Variants in PDE6A observed in about 807,000 individuals in gnomAD.
The protein encoded by PDE6A is phosphodiesterase 6A.
In PDE6A, 84 loss-of-function variants were observed where a neutral mutation model predicts 106.3. That is an observed-to-expected ratio of 0.79 (90% confidence interval 0.66 to 0.95). The LOEUF (loss-of-function observed/expected upper bound fraction) is 0.95. Among genes scored for constraint, PDE6A ranks in the 40% least tolerant of loss-of-function variants. The pLI, the probability that PDE6A is intolerant of heterozygous loss-of-function variation, is 0.00. For missense variants in PDE6A, 1,052 were observed against 1,084.9 expected, an observed-to-expected ratio of 0.97 and a Z score of 0.43; for synonymous variants, 394 against 386.6, an observed-to-expected ratio of 1.02 and a Z score of -0.23.
At chr5:149,908,290 C>T (rs1753266813) in intron 6 of PDE6A, among the ~76,000 whole-genome samples, 1 of 152,222 alleles carries the variant, frequency 6.6e-6, no homozygotes, top group Non-Finnish European at 1.5e-5. Flanking sequence ...CTGCTGTCAA[C>T]ATTGGTGCAT....
In PDE6A at chr5:149,883,435, A is replaced by T; in HGVS notation, c.2129T>A (p.Ile710Asn). The T allele has an allele frequency of 6.2e-7, 1 of 1,610,086 alleles. No individual in the cohort carries two copies. Among genetic ancestry groups the T allele is most frequent in the East Asian group, 2.2e-5 (1 of 44,846 alleles). ...TAACCCCATCCCAACTCACATAACGATTTCCTTCCGTGTCTGCTCCAGCAT... is the reference window on the plus strand; with the variant it reads ...TAACCCCATCCCAACTCACATAACGTTTTCCTTCCGTGTCTGCTCCAGCAT... The part of the protein sequence containing the change: ...YMMLEQTRKE[I>N]VMAMMMTACD... The change falls in exon 17 of 22, where the codon ATC becomes AAC. Residue 710 changes from isoleucine to asparagine, a missense_variant. By Grantham distance (149) the Ile-to-Asn change is moderately radical. This residue lies in a region of PDE6A where 913 missense variants were observed against 915.2 expected (regional missense o/e 1.00). Transcript: ENST00000255266.
intron 12 of PDE6A, among the ~76,000 whole-genome samples, chr5:149,895,507 ATGT>A (rs3841534): frequency 0.028 from 4,268 of 151,506 alleles, 121 homozygotes; most frequent in Admixed American, 0.064. Flanking sequence ...TACTAAGAAG[ATGT>A]TGTTGTTGTT....
chr5:149,944,491 G>A lies in PDE6A; in HGVS notation c.183C>T (p.Ile61=). ...SPSSMEESEI[I]FDLLRDFQEN... is the part of the protein sequence containing the mutation. Reference sequence around the variant, plus strand: ...CCTGAAAGTCCCGCAGGAGATCAAAGATGATTTCGCTCTCCTCCATGCTGC... The same window carrying A: ...CCTGAAAGTCCCGCAGGAGATCAAAAATGATTTCGCTCTCCTCCATGCTGC... Residue 61 remains isoleucine, a synonymous_variant, in exon 1 of 22, where the codon ATC becomes ATT. Coordinates refer to ENST00000255266, the MANE Select transcript of PDE6A (RefSeq NM_000440.3). 2 of 1,614,136 alleles carry A rather than the reference G, an allele frequency of 1.2e-6. No homozygotes were observed. Among genetic ancestry groups the A allele is most frequent in the Non-Finnish European group, 1.7e-6 (2 of 1,180,020 alleles).
chr5:149,873,880 G>C (rs993570562), intron 17 of PDE6A, among the ~76,000 whole-genome samples: 5 of 151,818 alleles, frequency 3.3e-5, no homozygotes, highest in African/African-American at 1.2e-4. Context: ...TAAAATTACT[G>C]AAGTAGTCCT....
chr5:149,862,855 C>G (rs2113493698), intron 21 of PDE6A, among the ~76,000 whole-genome samples: 1 of 152,358 alleles, frequency 6.6e-6, no homozygotes, highest in Non-Finnish European at 1.5e-5. Context: ...GCCCTAAAAT[C>G]AGAGTCTGTG....
At chr5:149,932,089 G>A in intron 3 of PDE6A, 12 of 1,352,010 alleles carry the variant, frequency 8.9e-6, no homozygotes, top group East Asian at 2.3e-5. Context: ...CTTTTAGCAC[G>A]TTCTTTGTTC....
chr5:149,895,078 T>C, intron 13 of PDE6A, 105 bp downstream of exon 13: 1 of 769,858 alleles, frequency 1.3e-6, no homozygotes, highest in Non-Finnish European at 2.4e-6. Flanking sequence ...TAAAAGACAA[T>C]AAATAAAGAA....
At chr5:149,909,880 A>G (rs1179677747) in intron 6 of PDE6A, among the ~76,000 whole-genome samples, 1 of 152,188 alleles carries the variant, frequency 6.6e-6, no homozygotes, top group East Asian at 1.9e-4. Flanking sequence ...AGCATATGAG[A>G]ATTTCCTAAT....
chr5:149,895,113 T>C (rs1752687837), intron 13 of PDE6A, 70 bp downstream of exon 13: 2 of 885,872 alleles, frequency 2.3e-6, no homozygotes, highest in Non-Finnish European at 3.9e-6. Context: ...GTTGCTACCA[T>C]GTAGAGTCTG....
chr5:149,934,679 A>G lies in PDE6A; in HGVS notation c.514T>C (p.Tyr172His). The part of the protein sequence containing the change: ...FCDFVDILTE[Y>H]KTKNILASPI... Reference sequence around the variant, plus strand: ...GAAGCCAAGATGTTCTTGGTCTTGTACTCTGTGAGGATGTCCACAAAGTCA... The same window carrying G: ...GAAGCCAAGATGTTCTTGGTCTTGTGCTCTGTGAGGATGTCCACAAAGTCA... Residue 172 changes from tyrosine (Y) to histidine (H), a missense_variant, in exon 2 of 22, where the codon TAC becomes CAC. Physicochemically the swap from Tyr to His is moderately conservative, Grantham distance 83 (BLOSUM62 2). This residue lies in a region of PDE6A where 913 missense variants were observed against 915.2 expected (regional missense o/e 1.00). Coordinates refer to ENST00000255266, the MANE Select transcript of PDE6A (RefSeq NM_000440.3). 6.2e-7 allele frequency: 1 copy of G among 1,614,050 alleles called. No individual in the cohort carries two copies. The highest frequency in any genetic ancestry group is 1.3e-5 in the African/African-American group (1 of 75,034).
intron 7 of PDE6A, among the ~76,000 whole-genome samples, chr5:149,906,107 C>T (rs979061526): frequency 2.6e-5 from 4 of 152,002 alleles, no homozygotes; most frequent in African/African-American, 9.7e-5. Flanking sequence ...ATCCTCCTGC[C>T]TCAGCCTCCC....
intron 7 of PDE6A, among the ~76,000 whole-genome samples, chr5:149,904,315 T>C (rs1335967903): frequency 6.6e-6 from 1 of 152,194 alleles, no homozygotes; most frequent in Non-Finnish European, 1.5e-5. Flanking sequence ...CCTTTGCGTA[T>C]AAACCCCAAA....
At chr5:149,943,811 G>C (rs1190296113) in intron 1 of PDE6A, among the ~76,000 whole-genome samples, 2 of 151,728 alleles carry the variant, frequency 1.3e-5, no homozygotes, top group African/African-American at 4.8e-5. Context: ...TGGAAGTACT[G>C]TGTATTTCCA....
chr5:149,905,803 T>C (rs1222179180), intron 7 of PDE6A, among the ~76,000 whole-genome samples: 1 of 152,236 alleles, frequency 6.6e-6, no homozygotes, highest in South Asian at 2.1e-4. Flanking sequence ...TTGCCTGCAG[T>C]CCTAGTCCTT....
intron 17 of PDE6A, among the ~76,000 whole-genome samples, chr5:149,870,884 A>G (rs1760517648): frequency 6.6e-6 from 1 of 151,414 alleles, no homozygotes; most frequent in South Asian, 2.1e-4. Context: ...AAAGAGAAAG[A>G]AAGAAAAAGA....
chr5:149,915,133 C>T, intron 5 of PDE6A, 126 bp from the exon 6 acceptor site: 2 of 610,868 alleles, frequency 3.3e-6, no homozygotes, highest in Non-Finnish European at 2.9e-6. Flanking sequence ...CTCCTGCGTT[C>T]AAGCTATTCT....
chr5:149,883,367 G>C, intron 17 of PDE6A, 62 bp downstream of exon 17: 2 of 1,070,180 alleles, frequency 1.9e-6, no homozygotes, highest in Non-Finnish European at 2.9e-6. Flanking sequence ...AGAGCTGTCA[G>C]TGCATCTCGC....
intron 13 of PDE6A, among the ~76,000 whole-genome samples, chr5:149,890,430 A>G (rs1752504108): frequency 1.3e-5 from 2 of 152,214 alleles, no homozygotes; most frequent in African/African-American, 2.4e-5. Flanking sequence ...GTCAAATACA[A>G]TTAATGCTAA....
At chr5:149,940,140 C>T (rs1484576705) in intron 1 of PDE6A, 1 of 152,138 alleles carries the variant, frequency 6.6e-6, no homozygotes. Flanking sequence ...CCAGGATCTG[C>T]CACTTTCTAT....
Sources: gnomAD v4.1 joint callset for allele counts (sites outside exome capture counted in the v4.1 genomes callset) on GRCh38, gnomAD v4.1.1 for gene constraint, gnomAD v4.1.1 regional missense constraint, MANE v1.5 for transcripts, NCBI Gene and HGNC (gene_info 2026-07-23, HGNC 2026-07-21) for gene names.